Variants in RPS6KA2 observed in about 807,000 individuals in gnomAD.
The protein encoded by RPS6KA2 is ribosomal protein S6 kinase alpha-2.
RPS6KA2 carries 42 observed loss-of-function variants against 91.8 expected under a neutral mutation model. The ratio of observed to expected loss-of-function variants is 0.46; its 90% CI spans 0.36 to 0.59. The LOEUF (loss-of-function observed/expected upper bound fraction) is 0.59. Ranked by LOEUF, RPS6KA2 falls within the 20% of genes least tolerant of loss-of-function variation. The pLI, the probability that RPS6KA2 is intolerant of heterozygous loss-of-function variation, is 0.00. For synonymous variants in RPS6KA2, 414 were observed against 393.6 expected (o/e 1.05, Z -0.61); for missense variants, 798 against 978.5 (o/e 0.82, Z 2.46).
At position 166,732,465 on chromosome 6, in the gene RPS6KA2, C is replaced by G. The variant is rs1317150304; in HGVS notation, c.123+125735G>C. On this transcript the variant is annotated intron_variant, in intron 2 of 21. Transcript: ENST00000503859. The surrounding 1 kb of genome is among the most constrained non-coding windows in gnomAD (Gnocchi z 4.0). The stretch of plus-strand genomic sequence containing the variant: ...TGTCCACCTGGAGGGATGTGACTTC[C>G]ATCAGGCTACAAACATCCTGGGACA... Among the ~76,000 whole-genome samples the G allele has an allele frequency of 6.6e-6, 1 of 152,218 alleles. No homozygotes were observed. The highest frequency in any genetic ancestry group is 2.4e-5 in the African/African-American group (1 of 41,454).
chr6:166,439,133 G>C (rs1267352436), intron 14 of RPS6KA2, among the ~76,000 whole-genome samples: 1 of 149,418 alleles, frequency 6.7e-6, no homozygotes, highest in East Asian at 1.9e-4. Context: ...ATTTGAGATG[G>C]AGTCTCTCTC....
intron 2 of RPS6KA2, chr6:166,701,510 T>A: frequency 2.2e-6 from 3 of 1,381,688 alleles, no homozygotes; most frequent in Non-Finnish European, 3.1e-6. Flanking sequence ...ACTGGAGCAA[T>A]CTTACTTGAA....
Position 166,440,566 on chromosome 6 carries a change from A to C in RPS6KA2, c.1333-8076T>G, listed in dbSNP as rs147869070. On this transcript the variant is annotated intron_variant, in intron 14 of 20. Coordinates refer to ENST00000265678, the MANE Select transcript of RPS6KA2 (RefSeq NM_021135.6). ...TATCAGAATCATCTGAATCATCAGAATTGTCTATTTTGGAAAAATTGGATT... is the reference window on the plus strand; with the variant it reads ...TATCAGAATCATCTGAATCATCAGACTTGTCTATTTTGGAAAAATTGGATT... 9.6e-3 allele frequency among the ~76,000 whole-genome samples: 1,459 copies of C among 152,348 alleles called. 92 individuals are homozygous for C. The highest frequency in any genetic ancestry group is 0.088 in the Admixed American group (1,341 of 15,304).
rs1779897206 is a variant in RPS6KA2 at position 166,821,250 on chromosome 6, A to G, written c.123+36950T>C. Among the ~76,000 whole-genome samples, 1 of 152,128 alleles carries G rather than the reference A, an allele frequency of 6.6e-6. No individual in the cohort carries two copies. Among genetic ancestry groups the G allele is most frequent in the Non-Finnish European group, 1.5e-5 (1 of 68,032 alleles). Reference sequence around the variant, plus strand: ...TTTTAAAATATAGAGGTGATCGGGTAACACCGAGACAAGGATTTCTCTTTC... The same window carrying G: ...TTTTAAAATATAGAGGTGATCGGGTGACACCGAGACAAGGATTTCTCTTTC... On this transcript the variant is annotated intron_variant, in intron 2 of 21. Transcript: ENST00000503859. The surrounding 1 kb of genome is among the most constrained non-coding windows in gnomAD (Gnocchi z 4.1).
At position 166,600,166 on chromosome 6, in the gene RPS6KA2, G is replaced by A. The variant is rs118148331; in HGVS notation, c.99+26755C>T. ...GCACCTACTATAGGTGCACCACCACGCCTGGCTAATTTATTTTTGTTTTTA... is the reference window on the plus strand; with the variant it reads ...GCACCTACTATAGGTGCACCACCACACCTGGCTAATTTATTTTTGTTTTTA... On this transcript the variant is annotated intron_variant, in intron 1 of 20. Coordinates refer to ENST00000265678, the MANE Select transcript of RPS6KA2 (RefSeq NM_021135.6). Among the ~76,000 whole-genome samples the A allele has an allele frequency of 7.4e-4, 113 of 152,172 alleles. 2 individuals are homozygous for A. In the East Asian group the frequency reaches 0.017, roughly 23 times the overall value.
chr6:166,536,740 C>T (rs1458559938), intron 2 of RPS6KA2, among the ~76,000 whole-genome samples: 2 of 152,174 alleles, frequency 1.3e-5, no homozygotes, highest in African/African-American at 4.8e-5. Flanking sequence ...AGGTCAGACA[C>T]CCATGGGCGC....
At chr6:166,692,163 A>G (rs1465004343) in intron 2 of RPS6KA2, among the ~76,000 whole-genome samples, 1 of 152,230 alleles carries the variant, frequency 6.6e-6, no homozygotes, top group Non-Finnish European at 1.5e-5. Flanking sequence ...TCCCCTGTCA[A>G]GATTTGTTGT....
In RPS6KA2 at chr6:166,775,228, C is replaced by CA. The variant is rs773496605; in HGVS notation, c.123+82971dup. On this transcript the variant is annotated intron_variant, in intron 2 of 21. Coordinates refer to the RPS6KA2 transcript ENST00000503859. Reference sequence around the variant, plus strand: ...TGATAAACACCCTGGGCCCTTCCTCCAAAAAATACACACTCATTGAAAGCC... The same window carrying CA: ...TGATAAACACCCTGGGCCCTTCCTCCAAAAAAATACACACTCATTGAAAGCC... 2.6e-3 allele frequency among the ~76,000 whole-genome samples: 388 copies of CA among 151,904 alleles called. 1 individual carries two copies. Among genetic ancestry groups the CA allele is most frequent in the Non-Finnish European group, 4.3e-3 (291 of 67,982 alleles).
chr6:166,440,396 G>A lies in RPS6KA2; in HGVS notation c.1333-7906C>T, dbSNP rs567159781. 5.3e-5 allele frequency: 8 copies of A among 152,308 alleles called. No individual in the cohort carries two copies. In the South Asian group the frequency reaches 8.3e-4, roughly 16 times the overall value. The allele number at this position is 152,308 out of a possible 1,614,324, so 9.4% of individuals were successfully genotyped here. On this transcript the variant is annotated intron_variant, in intron 14 of 20. Coordinates refer to ENST00000265678, the MANE Select transcript of RPS6KA2 (RefSeq NM_021135.6). ...AAGCCAATCACATTAAGCCTTTCTC[G>A]TTTCGAAAAAGCAAAAGTGCAGCTC...
At chr6:166,829,626 ATGGTCC>A (rs1562461023) in intron 2 of RPS6KA2, among the ~76,000 whole-genome samples, 23 of 149,846 alleles carry the variant, frequency 1.5e-4, no homozygotes, top group African/African-American at 5.2e-4. Context: ...AAATTATTAT[ATGGTCC>A]ATCAATTCCC....
At chr6:166,786,149 G>C (rs1778924119) in intron 2 of RPS6KA2, among the ~76,000 whole-genome samples, 1 of 152,192 alleles carries the variant, frequency 6.6e-6, no homozygotes, top group Non-Finnish European at 1.5e-5. Context: ...TGATATCACA[G>C]TACATTTTAA....
chr6:166,420,165 T>C (rs916006886), intron 17 of RPS6KA2, among the ~76,000 whole-genome samples: 2 of 152,128 alleles, frequency 1.3e-5, no homozygotes, highest in African/African-American at 4.8e-5. Context: ...CATGGTAAAC[T>C]AGTACTCTTT....
At chr6:166,578,285 T>C (rs1583295806) in intron 1 of RPS6KA2, among the ~76,000 whole-genome samples, 1 of 152,190 alleles carries the variant, frequency 6.6e-6, no homozygotes, top group African/African-American at 2.4e-5. Context: ...CTGGGGGCTG[T>C]CCTGCTGCTG....
intron 2 of RPS6KA2, among the ~76,000 whole-genome samples, chr6:166,758,588 T>C (rs1334394554): frequency 6.6e-6 from 1 of 152,224 alleles, no homozygotes; most frequent in Non-Finnish European, 1.5e-5. Flanking sequence ...TATAGCTTCT[T>C]GTTAATACAT....
intron 2 of RPS6KA2, among the ~76,000 whole-genome samples, chr6:166,637,828 G>A (rs933834092): frequency 3.9e-5 from 6 of 152,252 alleles, no homozygotes; most frequent in Non-Finnish European, 7.3e-5. Context: ...ATAAGACCCC[G>A]TGTCTCAGCC....
chr6:166,436,395 G>A (rs1779307268), intron 14 of RPS6KA2, among the ~76,000 whole-genome samples: 1 of 152,064 alleles, frequency 6.6e-6, no homozygotes, highest in Non-Finnish European at 1.5e-5. Flanking sequence ...CGTTTGCAAA[G>A]GAGTAGAGTG....
At chr6:166,562,149 T>C (rs2128505962) in intron 1 of RPS6KA2, among the ~76,000 whole-genome samples, 1 of 152,246 alleles carries the variant, frequency 6.6e-6, no homozygotes, top group Admixed American at 6.5e-5. Context: ...GACACGCAGC[T>C]TGAGGCAAAT....
At chr6:166,672,904 AG>A (rs1199560638) in intron 2 of RPS6KA2, among the ~76,000 whole-genome samples, 3 of 152,144 alleles carry the variant, frequency 2.0e-5, no homozygotes, top group African/African-American at 7.2e-5. Flanking sequence ...CGGCAGAAGG[AG>A]GCTCCGCACT....
At chr6:166,708,102 G>A (rs921672399) in intron 2 of RPS6KA2, among the ~76,000 whole-genome samples, 17 of 152,132 alleles carry the variant, frequency 1.1e-4, no homozygotes, top group South Asian at 6.2e-4. Context: ...AATATTCTCC[G>A]GTAGAATTAA....
Sources: gnomAD v4.1 joint callset for allele counts (sites outside exome capture counted in the v4.1 genomes callset) on GRCh38, gnomAD v4.1.1 for gene constraint, Gnocchi (gnomAD v3.1) non-coding constraint, MANE v1.5 for transcripts, NCBI Gene and HGNC (gene_info 2026-07-23, HGNC 2026-07-21) for gene names.